GRIK4: variants seen among roughly 807,000 people sequenced by gnomAD.
GRIK4 encodes glutamate receptor ionotropic, kainate 4.
Under a neutral mutation model 104.9 loss-of-function variants are expected in GRIK4, and 40 were observed. The observed-to-expected ratio is 0.38, with a 90% CI of 0.30 to 0.50. The LOEUF is 0.50. Among genes scored for constraint, GRIK4 ranks in the 20% least tolerant of loss-of-function variants. The pLI is 0.93. For synonymous variants in GRIK4, 485 were observed against 524.9 expected, an observed-to-expected ratio of 0.92 and a Z score of 1.04; for missense variants, 1,047 against 1,308.1, an observed-to-expected ratio of 0.80 and a Z score of 3.08.
chr11:120,635,745 T>C (rs1381450675), intron 1 of GRIK4, among the ~76,000 whole-genome samples: 1 of 152,244 alleles, frequency 6.6e-6, no homozygotes, highest in Non-Finnish European at 1.5e-5. Context: ...GCATGCCCTG[T>C]GGTTGCCAGC....
At chr11:120,665,891 C>T (rs1019766847) in intron 3 of GRIK4, among the ~76,000 whole-genome samples, 4 of 152,096 alleles carry the variant, frequency 2.6e-5, no homozygotes, top group East Asian at 3.9e-4. Context: ...TGGTGTCATC[C>T]GTCTTCCCTT....
In GRIK4 at chr11:120,568,164, C is replaced by A. The variant is rs576341625; in HGVS notation, c.-159+56277C>A. On this transcript the variant is annotated intron_variant, in intron 1 of 20. Transcript: ENST00000527524. Reference sequence around the variant, plus strand: ...CTGTACTCCAGCCTGGGTGACAGAACAAGTCCTTGCCTCAAAAACAAACAA... The same window carrying A: ...CTGTACTCCAGCCTGGGTGACAGAAAAAGTCCTTGCCTCAAAAACAAACAA... Among the ~76,000 whole-genome samples, 15 of 152,228 alleles carry A rather than the reference C, an allele frequency of 9.9e-5. No homozygotes were observed. In the South Asian group the frequency reaches 2.1e-3, roughly 21 times the overall value.
At chr11:120,906,104 T>C (rs566230511) in intron 13 of GRIK4, among the ~76,000 whole-genome samples, 3 of 152,200 alleles carry the variant, frequency 2.0e-5, no homozygotes, top group Non-Finnish European at 4.4e-5. Context: ...CAGGTGAGCA[T>C]TGGAGAATGT....
At chr11:120,666,899 T>C (rs1387459634) in intron 3 of GRIK4, among the ~76,000 whole-genome samples, 3 of 152,206 alleles carry the variant, frequency 2.0e-5, no homozygotes, top group African/African-American at 4.8e-5. Flanking sequence ...CGTCTTGGGA[T>C]GTGGAGTGAG....
At chr11:120,620,035 G>A in intron 1 of GRIK4, 1 of 613,224 alleles carries the variant, frequency 1.6e-6, no homozygotes, top group Non-Finnish European at 3.0e-6. Context: ...GAACCTGTGT[G>A]TAAAATACGT....
At chr11:120,802,956 C>A (rs1952648118) in intron 4 of GRIK4, 99 bp downstream of exon 4, 22 of 1,030,520 alleles carry the variant, frequency 2.1e-5, no homozygotes, top group Non-Finnish European at 3.1e-5. Flanking sequence ...TCTGAGATAT[C>A]TGATGTCGAT....
intron 11 of GRIK4, among the ~76,000 whole-genome samples, chr11:120,897,704 GAA>G (rs1278885255): frequency 6.7e-6 from 1 of 149,542 alleles, no homozygotes; most frequent in Non-Finnish European, 1.5e-5. Context: ...AATAGAGAGA[GAA>G]AACGAAAGAC....
In GRIK4 at chr11:120,529,585, C is replaced by T. The variant is rs552992486; in HGVS notation, c.-159+17698C>T. Among the ~76,000 whole-genome samples the T allele has an allele frequency of 2.6e-5, 4 of 152,334 alleles. No homozygotes were observed. The East Asian group carries it at 7.7e-4, about 29-fold the overall frequency. The stretch of plus-strand genomic sequence containing the variant: ...CTTGGATAGTCACACATGTAAGTTC[C>T]CTGTCGGGAGTGGTGGGGGAAGTGG... On this transcript the variant is annotated intron_variant, in intron 1 of 20. Coordinates refer to ENST00000527524, the MANE Select transcript of GRIK4 (RefSeq NM_014619.5).
At chr11:120,552,843 T>C (rs2136096556) in intron 1 of GRIK4, among the ~76,000 whole-genome samples, 1 of 151,700 alleles carries the variant, frequency 6.6e-6, no homozygotes, top group Admixed American at 6.6e-5. Context: ...CTACTAAAAA[T>C]ACAAAAGTTA....
chr11:120,890,130 A>T (rs1437369024), intron 11 of GRIK4, among the ~76,000 whole-genome samples: 2 of 152,162 alleles, frequency 1.3e-5, no homozygotes, highest in African/African-American at 4.8e-5. Context: ...AAATGGTACC[A>T]TTATCTTATG....
intron 3 of GRIK4, among the ~76,000 whole-genome samples, chr11:120,661,098 T>G (rs1949806663): frequency 1.3e-5 from 2 of 152,154 alleles, no homozygotes; most frequent in African/African-American, 4.8e-5. Flanking sequence ...TAGATCCTGG[T>G]TCCTGGGGAC....
chr11:120,917,247 C>CAA (rs199620498), intron 13 of GRIK4, among the ~76,000 whole-genome samples: 1,484 of 34,308 alleles, frequency 0.043, 76 homozygotes, highest in Non-Finnish European at 0.049. Context: ...AACTCCGTCT[C>CAA]AAAAAAAAAA....
intron 3 of GRIK4, among the ~76,000 whole-genome samples, chr11:120,789,550 C>T (rs915678735): frequency 6.6e-6 from 1 of 152,162 alleles, no homozygotes; most frequent in African/African-American, 2.4e-5. Flanking sequence ...TCTGTTCTCA[C>T]TCCAGTGTAT....
intron 3 of GRIK4, among the ~76,000 whole-genome samples, chr11:120,752,414 CAG>C (rs1216647088): frequency 6.6e-6 from 1 of 152,172 alleles, no homozygotes; most frequent in Non-Finnish European, 1.5e-5. Flanking sequence ...GAGCCACAGC[CAG>C]AGTCACACAG....
chr11:120,946,692 C>A (rs1369361544), intron 14 of GRIK4, among the ~76,000 whole-genome samples: 1 of 152,068 alleles, frequency 6.6e-6, no homozygotes, highest in Non-Finnish European at 1.5e-5. Flanking sequence ...TTTTACAGGA[C>A]AAAATTCTGA....
intron 1 of GRIK4, among the ~76,000 whole-genome samples, chr11:120,652,666 C>T (rs1396247121): frequency 3.3e-5 from 5 of 151,964 alleles, no homozygotes; most frequent in Admixed American, 6.5e-5. Flanking sequence ...TTGCCCACAG[C>T]GGGGAAAAAA....
rs1591996201 is a variant in GRIK4 at position 120,857,857 on chromosome 11, C to T, written c.745-4102C>T. ...ATCTTTGCTTCCTGGAAACACACAG[C>T]CCCCTGTAGAGAGAGACCACATGTG... is the stretch of plus-strand genomic sequence containing the variant. On this transcript the variant is annotated intron_variant, in intron 8 of 20. Transcript: ENST00000527524. Among the ~76,000 whole-genome samples, 2 of 152,166 alleles carry T rather than the reference C, an allele frequency of 1.3e-5. 1 individual carries two copies. The highest frequency in any genetic ancestry group is 1.3e-4 in the Admixed American group (2 of 15,292).
rs545149488 is a variant in GRIK4 at position 120,861,759 on chromosome 11, T to C, written c.745-200T>C. Among the ~76,000 whole-genome samples, 6 of 152,256 alleles carry C rather than the reference T, an allele frequency of 3.9e-5. No homozygotes were observed. The East Asian group carries it at 1.2e-3, about 29-fold the overall frequency. On this transcript the variant is annotated intron_variant, in intron 8 of 20. Coordinates refer to ENST00000527524, the MANE Select transcript of GRIK4 (RefSeq NM_014619.5). ...CTTGTGTAGAGATCATTCTGCTATTTTTTTTCTCCTCCATCCTCCACCATC... is the reference window on the plus strand; with the variant it reads ...CTTGTGTAGAGATCATTCTGCTATTCTTTTTCTCCTCCATCCTCCACCATC...
intron 1 of GRIK4, among the ~76,000 whole-genome samples, chr11:120,568,442 C>T (rs1004116275): frequency 2.0e-5 from 3 of 151,670 alleles, no homozygotes; most frequent in African/African-American, 7.3e-5. Flanking sequence ...GGCTGGAGTG[C>T]AGTGGCATAA....
Sources: allele counts gnomAD v4.1 joint callset (sites outside exome capture counted in the v4.1 genomes callset), GRCh38; gene constraint gnomAD v4.1.1; transcripts MANE v1.5; gene names NCBI Gene and HGNC (gene_info 2026-07-23, HGNC 2026-07-21).